C4orf50: variants seen among roughly 807,000 people sequenced by gnomAD.
C4orf50 encodes the protein uncharacterized protein C4orf50.
A neutral mutation model predicts 77.2 loss-of-function variants in C4orf50; 80 were observed. The ratio of observed to expected loss-of-function variants is 1.04; its 90% CI spans 0.87 to 1.25. The LOEUF is 1.25. C4orf50 is among the 50% of genes most tolerant of loss of function. The pLI is 0.00. For missense variants in C4orf50, 1,257 were observed against 1,152.9 expected (o/e 1.09, Z -1.31); for synonymous variants, 532 against 465.3 (o/e 1.14, Z -1.84).
intron 30 of C4orf50, among the ~76,000 whole-genome samples, chr4:5,974,430 C>T (rs907585668): frequency 3.0e-4 from 41 of 138,372 alleles, no homozygotes; most frequent in Admixed American, 2.1e-3. Context: ...GGAATTATGA[C>T]GATTTTTATT....
chr4:5,954,586 A>C (rs144296528), downstream of C4orf50, among the ~76,000 whole-genome samples: 966 of 152,294 alleles, frequency 6.3e-3, 9 homozygotes, highest in South Asian at 0.029. This position sits in a 1 kb window ranked among gnomAD's most constrained non-coding sequence, Gnocchi z 4.7. Flanking sequence ...CTAGGCCTCC[A>C]CGGCAGGCAG....
rs1290584172 is a variant in C4orf50 at position 6,000,078 on chromosome 4, G to A, written c.964-5602C>T. Among the ~76,000 whole-genome samples the A allele has an allele frequency of 6.6e-6, 1 of 152,154 alleles. No individual in the cohort carries two copies. The highest frequency in any genetic ancestry group is 6.5e-5 in the Admixed American group (1 of 15,284). ...CCATGGTGGGGTGCTTATGGAGGGA[G>A]ATCCTTTGACAGTCACCACTGTTGT... On this transcript the variant is annotated intron_variant, in intron 25 of 33. Coordinates refer to ENST00000531445, the Ensembl canonical transcript of C4orf50. The surrounding 1 kb of genome is among the most constrained non-coding windows in gnomAD (Gnocchi z 6.0).
intron 7 of C4orf50, among the ~76,000 whole-genome samples, chr4:5,948,609 A>G (rs1248318367): frequency 1.3e-5 from 2 of 152,160 alleles, no homozygotes; most frequent in East Asian, 3.9e-4. Context: ...ATCCTGGCCA[A>G]CATAGTGAAA....
chr4:5,944,385 C>CA (rs1338518853), intron 7 of C4orf50, among the ~76,000 whole-genome samples: 1 of 152,228 alleles, frequency 6.6e-6, no homozygotes, highest in Admixed American at 6.5e-5. Flanking sequence ...CTCTGCCCCC[C>CA]AGGAGTTCTC....
intron 7 of C4orf50, chr4:5,902,027 C>T (rs1485708241): frequency 6.6e-6 from 1 of 152,264 alleles, no homozygotes. Flanking sequence ...TGTTCTCTCC[C>T]AGAACCCCAG....
intron 25 of C4orf50, among the ~76,000 whole-genome samples, chr4:6,004,196 G>GGTGATGGTGATGAT (rs1560598684): frequency 0.01 from 1,180 of 117,172 alleles, 6 homozygotes; most frequent in East Asian, 0.031. Flanking sequence ...TGGTGATGAT[G>GGTGATGGTGATGAT]GTGATGGTGA....
chr4:6,006,814 C>T (rs1433524674), intron 25 of C4orf50, among the ~76,000 whole-genome samples: 4 of 152,188 alleles, frequency 2.6e-5, no homozygotes. Context: ...GCTATGGGGA[C>T]TGAGGCTGCA....
intron 7 of C4orf50, among the ~76,000 whole-genome samples, chr4:5,914,767 G>A (rs1038356973): frequency 6.6e-6 from 1 of 152,134 alleles, no homozygotes; most frequent in Non-Finnish European, 1.5e-5. Flanking sequence ...ATCTCACTTG[G>A]ACATAATAAC....
At chr4:5,940,266 G>A (rs532345858) in intron 7 of C4orf50, among the ~76,000 whole-genome samples, 5 of 152,310 alleles carry the variant, frequency 3.3e-5, no homozygotes, top group African/African-American at 1.2e-4. Context: ...CTTTCCAAAT[G>A]TATGAACCTC....
chr4:5,911,383 G>A (rs569028178), intron 7 of C4orf50, among the ~76,000 whole-genome samples: 1 of 152,340 alleles, frequency 6.6e-6, no homozygotes, highest in East Asian at 1.9e-4. Flanking sequence ...AACTATTGGG[G>A]AATTCGTTCA....
chr4:6,008,228 T>A lies in C4orf50; in HGVS notation c.731A>T (p.Gln244Leu). The stretch of plus-strand genomic sequence containing the variant: ...GCGCTCGCTGCGCTCTGCCCTCGCC[T>A]GCAGGGCGCGCAGTTCCGCAGCCGC... Residue 244 changes from glutamine to leucine, a missense_variant, in exon 25 of 34, where the codon CAG (glutamine) becomes CTG (leucine). By Grantham distance (113) the Gln-to-Leu change is moderately radical. Coordinates refer to ENST00000531445, the Ensembl canonical transcript of C4orf50. The surrounding 1 kb of genome is among the most constrained non-coding windows in gnomAD (Gnocchi z 6.0). 2.5e-6 allele frequency: 1 copy of A among 396,528 alleles called. No homozygotes were observed. The highest frequency in any genetic ancestry group is 4.5e-6 in the Non-Finnish European group (1 of 224,642). The allele number at this position is 396,528 out of a possible 1,614,324, so 24.6% of individuals were successfully genotyped here.
chr4:5,927,080 A>G lies in C4orf50; in HGVS notation c.*2475-28892T>C, dbSNP rs567107038. On this transcript the variant is annotated intron_variant, in intron 7 of 7. Coordinates refer to the C4orf50 transcript ENST00000324058. ...GAAGGGGAAGATAGGGAGCAGATGC[A>G]TGCTTGTCAGATGGTGGTGACCACA... Among the ~76,000 whole-genome samples the G allele has an allele frequency of 4.6e-5, 7 of 152,274 alleles. No individual in the cohort carries two copies. The South Asian group carries it at 6.2e-4, about 14-fold the overall frequency.
At chr4:5,931,769 C>A (rs2108745210) in intron 7 of C4orf50, among the ~76,000 whole-genome samples, 1 of 152,224 alleles carries the variant, frequency 6.6e-6, no homozygotes, top group African/African-American at 2.4e-5. Flanking sequence ...CACACCCCTC[C>A]CTCCCATCTT....
downstream of C4orf50, among the ~76,000 whole-genome samples, chr4:5,954,172 A>G (rs1034800671): frequency 6.6e-6 from 1 of 152,106 alleles, no homozygotes; most frequent in Admixed American, 6.5e-5. The surrounding 1 kb of genome is among the most constrained non-coding windows in gnomAD (Gnocchi z 4.7). Context: ...TGTGCCATGG[A>G]TGGACTATCA....
At chr4:5,945,035 C>T (rs1398668366) in intron 7 of C4orf50, among the ~76,000 whole-genome samples, 1 of 152,106 alleles carries the variant, frequency 6.6e-6, no homozygotes, top group Admixed American at 6.5e-5. Flanking sequence ...CACCAAGGCT[C>T]CACGCCTGTC....
intron 7 of C4orf50, among the ~76,000 whole-genome samples, chr4:5,934,524 C>T (rs1056300597): frequency 6.6e-6 from 1 of 152,044 alleles, no homozygotes; most frequent in African/African-American, 2.4e-5. Context: ...TTCTCTGTGT[C>T]CTGCCACTCC....
At chr4:5,955,022 C>T (rs1718890316), downstream of C4orf50, among the ~76,000 whole-genome samples, 1 of 152,144 alleles carries the variant, frequency 6.6e-6, no homozygotes, top group Non-Finnish European at 1.5e-5. The surrounding 1 kb of genome is among the most constrained non-coding windows in gnomAD (Gnocchi z 5.1). Flanking sequence ...CCTTGCTTCC[C>T]TCTGACCCCT....
At chr4:5,965,081 G>A (rs755140871) in exon 33 of C4orf50, 1 of 1,613,748 alleles carries the variant, frequency 6.2e-7, no homozygotes, top group South Asian at 1.1e-5. Context: ...GAATAGGCCA[G>A]GACTCTGAAG....
At chr4:5,954,629 G>A (rs976112028), downstream of C4orf50, among the ~76,000 whole-genome samples, 15 of 152,090 alleles carry the variant, frequency 9.9e-5, no homozygotes, top group Non-Finnish European at 1.6e-4. The surrounding 1 kb of genome is among the most constrained non-coding windows in gnomAD (Gnocchi z 4.7). Context: ...GGAGTGTGAC[G>A]TGCCAGCCTG....
Sources: gnomAD v4.1 joint callset for allele counts (sites outside exome capture counted in the v4.1 genomes callset) on GRCh38, gnomAD v4.1.1 for gene constraint, Gnocchi (gnomAD v3.1) non-coding constraint, MANE v1.5 for transcripts, NCBI Gene and HGNC (gene_info 2026-07-23, HGNC 2026-07-21) for gene names.